CTNNA2: variants seen among roughly 807,000 people sequenced by gnomAD.
CTNNA2 encodes catenin alpha-2.
In CTNNA2, 42 loss-of-function variants were observed where a neutral mutation model predicts 101.0. That is an observed-to-expected ratio of 0.42 (90% confidence interval 0.32 to 0.54). CTNNA2 has a LOEUF of 0.54. CTNNA2 is among the 20% of genes least tolerant of loss of function. CTNNA2 has a pLI of 0.14. For synonymous variants in CTNNA2, 450 were observed against 456.4 expected, an observed-to-expected ratio of 0.99 and a Z score of 0.18; for missense variants, 871 against 1,223.1, an observed-to-expected ratio of 0.71 and a Z score of 4.29.
chr2:80,454,113 T>C (rs912293383), intron 9 of CTNNA2, among the ~76,000 whole-genome samples: 1 of 152,220 alleles, frequency 6.6e-6, no homozygotes, highest in African/African-American at 2.4e-5. Flanking sequence ...GGAGGCTGTC[T>C]GAGAACAAAG....
intron 7 of CTNNA2, among the ~76,000 whole-genome samples, chr2:79,990,455 A>G (rs1692092561): frequency 6.6e-6 from 1 of 152,156 alleles, no homozygotes; most frequent in Non-Finnish European, 1.5e-5. Flanking sequence ...CACGGTGGCT[A>G]AGAAAACTAA....
intron 4 of CTNNA2, among the ~76,000 whole-genome samples, chr2:79,421,124 T>C (rs556751974): frequency 9.9e-4 from 151 of 152,282 alleles, no homozygotes; most frequent in African/African-American, 3.5e-3. Context: ...GTTTCCTCTC[T>C]TTTACCCTTG....
At chr2:80,032,045 A>G (rs1023891720) in intron 7 of CTNNA2, among the ~76,000 whole-genome samples, 11 of 152,212 alleles carry the variant, frequency 7.2e-5, no homozygotes, top group African/African-American at 2.7e-4. Context: ...CAAACACAAG[A>G]AGGAGAAAGA....
intron 2 of CTNNA2, among the ~76,000 whole-genome samples, chr2:79,238,942 G>T (rs1440255930): frequency 6.6e-6 from 1 of 152,122 alleles, no homozygotes; most frequent in Non-Finnish European, 1.5e-5. Flanking sequence ...GAATAAAAGT[G>T]CTTTTTAAAA....
At chr2:80,338,562 A>G (rs181442206) in intron 7 of CTNNA2, among the ~76,000 whole-genome samples, 44 of 152,272 alleles carry the variant, frequency 2.9e-4, no homozygotes, top group Admixed American at 7.2e-4. Context: ...AAGTCCTTCA[A>G]TGCTGACCCT....
At chr2:79,481,411 G>T (rs1394549988) in intron 4 of CTNNA2, among the ~76,000 whole-genome samples, 1 of 152,080 alleles carries the variant, frequency 6.6e-6, no homozygotes, top group Non-Finnish European at 1.5e-5. Flanking sequence ...TTATTTTGAA[G>T]TCATGATCAG....
At chr2:80,306,442 TTCTTTCTTTC>T (rs1451592007) in intron 7 of CTNNA2, among the ~76,000 whole-genome samples, 8 of 144,034 alleles carry the variant, frequency 5.6e-5, no homozygotes, top group African/African-American at 1.9e-4. Context: ...CTTTCTTTCT[TTCTTTCTTTC>T]TCTCTCTCTC....
At chr2:80,401,124 T>C (rs1394641516) in intron 8 of CTNNA2, among the ~76,000 whole-genome samples, 1 of 152,228 alleles carries the variant, frequency 6.6e-6, no homozygotes, top group East Asian at 1.9e-4. Context: ...ATCTCTATCA[T>C]GACACATTTT....
chr2:79,836,297 G>A (rs114450225), intron 3 of CTNNA2, among the ~76,000 whole-genome samples: 220 of 152,278 alleles, frequency 1.4e-3, no homozygotes, highest in African/African-American at 5.1e-3. Context: ...GTCCCTAGAT[G>A]ACTAAACTTT....
At position 79,642,946 on chromosome 2, in the gene CTNNA2, A is replaced by G. The variant is rs143829379; in HGVS notation, c.-5-8606A>G. ...CGGTGGCTATGCCTGTAATCCCAGC[A>G]CTTGGGGAGGCCAAGGCAGGCAGAT... On this transcript the variant is annotated intron_variant, in intron 1 of 18. Transcript: ENST00000402739. Among the ~76,000 whole-genome samples the G allele has an allele frequency of 8.3e-3, 1,262 of 152,108 alleles. 26 individuals carry two copies. Among genetic ancestry groups the G allele is most frequent in the African/African-American group, 0.028 (1,155 of 41,516 alleles).
intron 4 of CTNNA2, among the ~76,000 whole-genome samples, chr2:79,456,006 A>T (rs1326441647): frequency 6.6e-6 from 1 of 152,108 alleles, no homozygotes; most frequent in Non-Finnish European, 1.5e-5. Context: ...TCTTAAAGCC[A>T]TTTGATTTAT....
At chr2:79,477,414 A>C (rs376805807) in intron 4 of CTNNA2, among the ~76,000 whole-genome samples, 32 of 151,992 alleles carry the variant, frequency 2.1e-4, no homozygotes, top group Non-Finnish European at 3.8e-4. Context: ...CAGGTAATCA[A>C]CCTGCCTTGG....
At chr2:79,575,477 A>C (rs1026039492) in intron 1 of CTNNA2, 1 of 151,822 alleles carries the variant, frequency 6.6e-6, no homozygotes, top group Non-Finnish European at 1.5e-5. Context: ...CATACTTTTG[A>C]TCTCGTTGCT....
intron 5 of CTNNA2, among the ~76,000 whole-genome samples, chr2:79,507,181 GA>G (rs1671431478): frequency 6.6e-6 from 1 of 152,104 alleles, no homozygotes; most frequent in African/African-American, 2.4e-5. Flanking sequence ...GGCTGGATAG[GA>G]AAAAACTATC....
intron 7 of CTNNA2, among the ~76,000 whole-genome samples, chr2:79,971,464 A>G (rs938978357): frequency 2.6e-5 from 4 of 152,026 alleles, no homozygotes; most frequent in Admixed American, 2.0e-4. Context: ...GCTAGCTCTT[A>G]TGTGGTACCT....
chr2:79,468,153 A>G (rs1670959402), intron 4 of CTNNA2, among the ~76,000 whole-genome samples: 1 of 152,318 alleles, frequency 6.6e-6, no homozygotes, highest in South Asian at 2.1e-4. Flanking sequence ...GCAGAGACAC[A>G]CATAGGCTCA....
chr2:80,559,877 T>TC (rs1558586907), intron 12 of CTNNA2, among the ~76,000 whole-genome samples: 3,649 of 145,096 alleles, frequency 0.025, 211 homozygotes, highest in African/African-American at 0.087. Context: ...CGATATCATA[T>TC]TTATATATAT....
intron 7 of CTNNA2, among the ~76,000 whole-genome samples, chr2:79,910,858 A>T (rs899488781): frequency 6.6e-6 from 1 of 152,220 alleles, no homozygotes; most frequent in Non-Finnish European, 1.5e-5. Flanking sequence ...GCAAGGAATG[A>T]GTGTTGACAG....
intron 1 of CTNNA2, among the ~76,000 whole-genome samples, chr2:79,532,443 T>C (rs947220084): frequency 1.3e-5 from 2 of 152,292 alleles, no homozygotes; most frequent in Admixed American, 1.3e-4. Context: ...ACTACTGTGA[T>C]TGAATTACAA....
Sources: gnomAD v4.1 joint callset for allele counts (sites outside exome capture counted in the v4.1 genomes callset) on GRCh38, gnomAD v4.1.1 for gene constraint, MANE v1.5 for transcripts, NCBI Gene and HGNC (gene_info 2026-07-23, HGNC 2026-07-21) for gene names.